The following EPHB1 variants were observed in gnomAD, a reference collection of about 807,000 sequenced individuals.
EPHB1 encodes the protein EPH receptor B1, also known as ephrin type-B receptor 1.
In EPHB1, 30 loss-of-function variants were observed where a neutral mutation model predicts 94.4. The ratio of observed to expected loss-of-function variants is 0.32; its 90% confidence interval spans 0.24 to 0.43. The LOEUF is 0.43. EPHB1 is among the 20% of genes least tolerant of loss of function. The pLI is 1.00. For synonymous variants in EPHB1, 522 were observed against 489.1 expected, an observed-to-expected ratio of 1.07 and a Z score of -0.89; for missense variants, 1,055 against 1,308.3, an observed-to-expected ratio of 0.81 and a Z score of 2.99.
intron 11 of EPHB1, among the ~76,000 whole-genome samples, chr3:135,194,485 T>C (rs1215866185): frequency 6.6e-6 from 1 of 152,210 alleles, no homozygotes. Context: ...GTAGGTAGGC[T>C]GATGGAACAG....
At chr3:134,860,798 C>CAAAAAAA (rs10666494) in intron 1 of EPHB1, among the ~76,000 whole-genome samples, 4 of 93,682 alleles carry the variant, frequency 4.3e-5, no homozygotes, top group Non-Finnish European at 7.7e-5. Flanking sequence ...GGCCAGGTGA[C>CAAAAAAA]AAAAAAAAAA....
chr3:135,097,134 G>T (rs1241073855), intron 3 of EPHB1, among the ~76,000 whole-genome samples: 2 of 147,456 alleles, frequency 1.4e-5, no homozygotes, highest in Non-Finnish European at 3.0e-5. Context: ...ATTACATTCG[G>T]AATTAGGCTT....
intron 15 of EPHB1, among the ~76,000 whole-genome samples, chr3:135,255,746 G>A (rs1933355498): frequency 6.7e-6 from 1 of 150,214 alleles, no homozygotes; most frequent in Admixed American, 6.6e-5. Flanking sequence ...GCTTGGTGCA[G>A]AGCTGAGTTC....
chr3:135,184,230 G>T (rs1354906143), intron 10 of EPHB1, among the ~76,000 whole-genome samples: 1 of 152,186 alleles, frequency 6.6e-6, no homozygotes, highest in African/African-American at 2.4e-5. Flanking sequence ...GAGTAAGGCT[G>T]CCTGGCACCC....
At chr3:134,924,924 A>G (rs2038760220) in intron 1 of EPHB1, among the ~76,000 whole-genome samples, 1 of 152,238 alleles carries the variant, frequency 6.6e-6, no homozygotes, top group South Asian at 2.1e-4. Context: ...TAGGAGCAGG[A>G]GGAAGAAAAG....
chr3:135,149,913 C>T (rs1355620856), intron 5 of EPHB1, among the ~76,000 whole-genome samples: 1 of 152,198 alleles, frequency 6.6e-6, no homozygotes, highest in Non-Finnish European at 1.5e-5. Context: ...GAGCGTTTCT[C>T]TCCATGGATT....
At chr3:134,976,256 G>A (rs1175894200) in intron 3 of EPHB1, among the ~76,000 whole-genome samples, 2 of 152,188 alleles carry the variant, frequency 1.3e-5, no homozygotes, top group Non-Finnish European at 1.5e-5. Flanking sequence ...GAGATTCCAG[G>A]GCAAGAGCAG....
chr3:134,886,686 T>C (rs1034101624), intron 1 of EPHB1, among the ~76,000 whole-genome samples: 5 of 152,226 alleles, frequency 3.3e-5, no homozygotes, highest in Non-Finnish European at 1.5e-5. Flanking sequence ...GTACTCACTA[T>C]GTGCTGGGAA....
chr3:135,078,481 G>T (rs919077140), intron 3 of EPHB1, among the ~76,000 whole-genome samples: 1 of 152,202 alleles, frequency 6.6e-6, no homozygotes, highest in Non-Finnish European at 1.5e-5. Flanking sequence ...GGGCCAGCAG[G>T]TCTGTCCACC....
At chr3:135,064,494 T>A (rs144792397) in intron 3 of EPHB1, among the ~76,000 whole-genome samples, 8 of 152,282 alleles carry the variant, frequency 5.3e-5, no homozygotes, top group African/African-American at 1.7e-4. Context: ...ATAAATGTGT[T>A]CATAGTAGCC....
At chr3:134,945,355 A>G (rs2039198325) in intron 2 of EPHB1, among the ~76,000 whole-genome samples, 1 of 152,136 alleles carries the variant, frequency 6.6e-6, no homozygotes, top group Non-Finnish European at 1.5e-5. Context: ...GTATCTTTGT[A>G]GTTTCATTTT....
intron 4 of EPHB1, among the ~76,000 whole-genome samples, chr3:135,122,361 G>C (rs1940004678): frequency 6.6e-6 from 1 of 152,098 alleles, no homozygotes; most frequent in African/African-American, 2.4e-5. Flanking sequence ...GCATTTCAGG[G>C]GTATGAAAGG....
chr3:134,896,836 G>A (rs1030143282), intron 1 of EPHB1, among the ~76,000 whole-genome samples: 9 of 152,248 alleles, frequency 5.9e-5, no homozygotes, highest in African/African-American at 2.2e-4. Context: ...CCCTGCCCAA[G>A]AGCCCTTGGG....
intron 1 of EPHB1, among the ~76,000 whole-genome samples, chr3:134,861,856 A>G (rs2037267444): frequency 6.6e-6 from 1 of 152,138 alleles, no homozygotes; most frequent in Non-Finnish European, 1.5e-5. Context: ...TGTCCTTCAC[A>G]TGTATCCTGG....
At chr3:135,142,051 C>T (rs1430466684) in intron 5 of EPHB1, among the ~76,000 whole-genome samples, 3 of 152,326 alleles carry the variant, frequency 2.0e-5, no homozygotes, top group African/African-American at 4.8e-5. Context: ...CGATTCTGCA[C>T]ATGCATAATT....
chr3:134,980,704 G>A lies in EPHB1; in HGVS notation c.805+28652G>A, dbSNP rs564063265. Among the ~76,000 whole-genome samples, 19 of 152,302 alleles carry A rather than the reference G, an allele frequency of 1.2e-4. No individual in the cohort carries two copies. In the South Asian group the frequency reaches 3.7e-3, roughly 30 times the overall value. ...TGGCATACCAGGTCAGAGAAGAGGT[G>A]ACTCTTGCCATCCTTTGCTGAGGAT... On this transcript the variant is annotated intron_variant, in intron 3 of 15. Coordinates refer to ENST00000398015, the MANE Select transcript of EPHB1 (RefSeq NM_004441.5).
chr3:134,854,396 C>G (rs2037064667), intron 1 of EPHB1, among the ~76,000 whole-genome samples: 1 of 152,088 alleles, frequency 6.6e-6, no homozygotes, highest in African/African-American at 2.4e-5. Context: ...AAGTCAGACC[C>G]ACCATGAACC....
At chr3:134,855,876 T>C (rs10935137) in intron 1 of EPHB1, among the ~76,000 whole-genome samples, 141,199 of 152,132 alleles carry the variant, frequency 0.93, 66,415 homozygotes, top group East Asian at 1. Context: ...TCATTTAATC[T>C]GCAAGCAGCC....
chr3:135,028,524 G>C (rs960152920), intron 3 of EPHB1, among the ~76,000 whole-genome samples: 1 of 143,872 alleles, frequency 7.0e-6, no homozygotes, highest in South Asian at 2.3e-4. Context: ...TTTCCATGTA[G>C]GTGAGCGGTT....
Sources: allele counts gnomAD v4.1 joint callset (sites outside exome capture counted in the v4.1 genomes callset), GRCh38; gene constraint gnomAD v4.1.1; transcripts MANE v1.5; gene names NCBI Gene and HGNC (gene_info 2026-07-23, HGNC 2026-07-21).